The following SMURF2 variants were observed in gnomAD, a reference collection of about 807,000 sequenced individuals.
The protein encoded by SMURF2 is E3 ubiquitin-protein ligase SMURF2.
Under a neutral mutation model 109.6 loss-of-function variants are expected in SMURF2, and 48 were observed. That is an observed-to-expected ratio of 0.44 (90% confidence interval 0.35 to 0.56). SMURF2 has a LOEUF of 0.56. Among genes scored for constraint, SMURF2 ranks in the 20% least tolerant of loss-of-function variants. The probability of loss-of-function intolerance (pLI) is 0.01; values close to 1 mark genes in which losing one functional copy is unlikely to be tolerated. For missense variants in SMURF2, 575 were observed against 909.0 expected (o/e 0.63, Z 4.72); for synonymous variants, 288 against 317.1 (o/e 0.91, Z 0.97).
chr17:64,584,342 A>T (rs1598282274), intron 6 of SMURF2, among the ~76,000 whole-genome samples: 2 of 141,890 alleles, frequency 1.4e-5, no homozygotes, highest in Non-Finnish European at 3.0e-5. Context: ...AAATCGAAAC[A>T]GCTACTTTCT....
chr17:64,639,571 T>C (rs1970467155), intron 1 of SMURF2, among the ~76,000 whole-genome samples: 1 of 151,644 alleles, frequency 6.6e-6, no homozygotes, highest in Non-Finnish European at 1.5e-5. Flanking sequence ...AGCGAGACTC[T>C]GACTCAAAAA....
chr17:64,659,553 T>G (rs1292423019), intron 1 of SMURF2, among the ~76,000 whole-genome samples: 1 of 147,530 alleles, frequency 6.8e-6, no homozygotes, highest in African/African-American at 2.5e-5. Context: ...AAATGAGGCC[T>G]AGGTTAAATA....
intron 8 of SMURF2, among the ~76,000 whole-genome samples, chr17:64,580,479 A>ATCTTACCTTTCTATATATATATTCTAT (rs1969563731): frequency 6.6e-6 from 1 of 152,230 alleles, no homozygotes; most frequent in Non-Finnish European, 1.5e-5. Flanking sequence ...CTTTCTATAC[A>ATCTTACCTTTCTATATATATATTCTAT]GTGCCTATTT....
chr17:64,648,757 CAAAAACAAAAACA>C (rs1448948811), intron 1 of SMURF2, among the ~76,000 whole-genome samples: 3 of 151,906 alleles, frequency 2.0e-5, no homozygotes, highest in African/African-American at 7.3e-5. Flanking sequence ...CTGTTTCAAA[CAAAAACAAAAACA>C]AAAAACAAAA....
At chr17:64,623,934 A>G (rs1970235475) in intron 1 of SMURF2, among the ~76,000 whole-genome samples, 2 of 152,360 alleles carry the variant, frequency 1.3e-5, no homozygotes, top group African/African-American at 4.8e-5. Flanking sequence ...TTGTCTATAC[A>G]TATTTGATAA....
rs200015210 is a variant in SMURF2 at position 64,590,144 on chromosome 17, C to CTTT, written c.400+937_400+939dup. Among the ~76,000 whole-genome samples, 694 of 136,926 alleles carry CTTT rather than the reference C, an allele frequency of 5.1e-3. 25 individuals carry two copies. The highest frequency in any genetic ancestry group is 0.017 in the African/African-American group (627 of 35,902). The allele number at this position is 136,926 out of a possible 152,430, so 89.8% of individuals were successfully genotyped here. A position where few individuals can be genotyped will look rare whatever the true frequency, so the allele number is the denominator to read the frequency against. On this transcript the variant is annotated intron_variant, in intron 5 of 18. Transcript: ENST00000262435. ...GACATTCCTATTGAATTTTTCTTTT[C>CTTT]TTTTTTTTTTTTTTTGAGACAGGGT... is the stretch of plus-strand genomic sequence containing the variant.
In SMURF2 at chr17:64,586,448, C is replaced by CTTAA. The variant is rs532643708; in HGVS notation, c.401-282_401-279dup. Among the ~76,000 whole-genome samples, 5 of 152,076 alleles carry CTTAA rather than the reference C, an allele frequency of 3.3e-5. No individual in the cohort carries two copies. The South Asian group carries it at 1.0e-3, about 31-fold the overall frequency. ...GGTGCATAGCAGAGTCACTACTGTA[C>CTTAA]TTAATTAAGAAGAGGCATAGCTGGG... On this transcript the variant is annotated intron_variant, in intron 5 of 18. Transcript: ENST00000262435.
rs890910988 is a variant in SMURF2 at position 64,658,471 on chromosome 17, C to T, written c.52+3358G>A. 7.2e-5 allele frequency among the ~76,000 whole-genome samples: 11 copies of T among 152,148 alleles called. No individual in the cohort carries two copies. In the East Asian group the frequency reaches 7.7e-4, roughly 11 times the overall value. On this transcript the variant is annotated intron_variant, in intron 1 of 18. Coordinates refer to ENST00000262435, the MANE Select transcript of SMURF2 (RefSeq NM_022739.4). ...AATATGTAGTGAAACAAGATTAAGA[C>T]GCTAGCATATCTAAAGGGAAATTTT...
intron 2 of SMURF2, among the ~76,000 whole-genome samples, chr17:64,601,527 T>C (rs1195143273): frequency 6.6e-6 from 1 of 152,090 alleles, no homozygotes; most frequent in African/African-American, 2.4e-5. Flanking sequence ...AGAATGGCCA[T>C]AATCAAAAAA....
intron 1 of SMURF2, 77 bp from the exon 2 acceptor site, chr17:64,606,717 A>G: frequency 9.4e-7 from 1 of 1,069,186 alleles, no homozygotes; most frequent in Non-Finnish European, 1.3e-6. Context: ...TAAAACACGG[A>G]AAACAGCAGT....
At chr17:64,655,828 G>GA (rs1271666374) in intron 1 of SMURF2, among the ~76,000 whole-genome samples, 4 of 152,160 alleles carry the variant, frequency 2.6e-5, no homozygotes, top group African/African-American at 9.7e-5. Flanking sequence ...CCAGGGGTCA[G>GA]AGGCTCCAGT....
At chr17:64,648,070 A>AAC (rs1366258732) in intron 1 of SMURF2, among the ~76,000 whole-genome samples, 2 of 146,238 alleles carry the variant, frequency 1.4e-5, no homozygotes, top group African/African-American at 2.5e-5. Flanking sequence ...AAAAAAAAAA[A>AAC]AAAAAAAAAA....
At chr17:64,661,082 C>A (rs988671612) in intron 1 of SMURF2, among the ~76,000 whole-genome samples, 5 of 151,980 alleles carry the variant, frequency 3.3e-5, no homozygotes, top group African/African-American at 4.8e-5. Flanking sequence ...TGCACCCCCC[C>A]CAAAAAAGTG....
intron 1 of SMURF2, among the ~76,000 whole-genome samples, chr17:64,619,397 G>C (rs1555690422): frequency 1.4e-5 from 2 of 142,838 alleles, no homozygotes; most frequent in African/African-American, 5.3e-5. Context: ...AGAATCGCCT[G>C]AACCCGGGAG....
At chr17:64,549,187 C>T (rs924273038) in intron 16 of SMURF2, among the ~76,000 whole-genome samples, 2 of 142,734 alleles carry the variant, frequency 1.4e-5, no homozygotes, top group African/African-American at 2.6e-5. Flanking sequence ...GCATGAGAAT[C>T]GCTTGAACCC....
At chr17:64,586,403 T>C (rs1969652785) in intron 5 of SMURF2, among the ~76,000 whole-genome samples, 2 of 152,120 alleles carry the variant, frequency 1.3e-5, no homozygotes, top group South Asian at 4.1e-4. Flanking sequence ...GAAGCCTAAT[T>C]CCTTTTTCAC....
intron 10 of SMURF2, 124 bp downstream of exon 10, chr17:64,571,674 C>T (rs565325175): frequency 5.2e-5 from 53 of 1,012,172 alleles, no homozygotes; most frequent in Non-Finnish European, 7.2e-5. Flanking sequence ...CTGCCACGGC[C>T]TCCCAAAGCA....
rs192005094 is a variant in SMURF2 at position 64,570,073 on chromosome 17, C to T, written c.1016+1725G>A. ...TAATGAGACTGCCAGGATAATTATACATATTTCGAAGAAGGAACCAAAGAT... is the reference window on the plus strand; with the variant it reads ...TAATGAGACTGCCAGGATAATTATATATATTTCGAAGAAGGAACCAAAGAT... On this transcript the variant is annotated intron_variant, in intron 10 of 18. Coordinates refer to ENST00000262435, the MANE Select transcript of SMURF2 (RefSeq NM_022739.4). Among the ~76,000 whole-genome samples, 750 of 152,266 alleles carry T rather than the reference C, an allele frequency of 4.9e-3. 14 individuals carry two copies. The highest frequency in any genetic ancestry group is 0.021 in the Admixed American group (319 of 15,294).
intron 1 of SMURF2, among the ~76,000 whole-genome samples, chr17:64,625,472 A>G (rs1222988972): frequency 5.3e-5 from 8 of 152,266 alleles, no homozygotes; most frequent in African/African-American, 1.9e-4. Context: ...TGCAGATAAG[A>G]ACACATGAAC....
Sources: allele counts gnomAD v4.1 joint callset (sites outside exome capture counted in the v4.1 genomes callset), GRCh38; gene constraint gnomAD v4.1.1; transcripts MANE v1.5; gene names NCBI Gene and HGNC (gene_info 2026-07-23, HGNC 2026-07-21).